The following PDE11A variants were observed in gnomAD, a reference collection of about 807,000 sequenced individuals.
PDE11A encodes dual 3',5'-cyclic-AMP and -GMP phosphodiesterase 11A.
Under a neutral mutation model 100.5 loss-of-function variants are expected in PDE11A, and 100 were observed. That is an observed-to-expected ratio of 1.00 (90% CI 0.85 to 1.18). The LOEUF (loss-of-function observed/expected upper bound fraction) is 1.18. Ranked by LOEUF, PDE11A falls within the 50% of genes most tolerant of loss-of-function variation. PDE11A has a pLI of 0.00. For synonymous variants in PDE11A, 381 were observed against 420.8 expected, an observed-to-expected ratio of 0.91 and a Z score of 1.16; for missense variants, 1,141 against 1,152.6, an observed-to-expected ratio of 0.99 and a Z score of 0.15.
intron 19 of PDE11A, among the ~76,000 whole-genome samples, chr2:177,636,216 T>C (rs1281193299): frequency 6.6e-6 from 1 of 152,110 alleles, no homozygotes; most frequent in Non-Finnish European, 1.5e-5. Flanking sequence ...AGTGTGAGGG[T>C]GGGTAGAGCT....
chr2:177,723,493 T>C (rs1380704661), intron 12 of PDE11A, among the ~76,000 whole-genome samples: 1 of 152,170 alleles, frequency 6.6e-6, no homozygotes, highest in Non-Finnish European at 1.5e-5. Flanking sequence ...TCTCTTTTCA[T>C]ATCCAGTGAA....
intron 2 of PDE11A, among the ~76,000 whole-genome samples, chr2:177,939,084 T>C (rs941584579): frequency 5.9e-5 from 9 of 152,222 alleles, no homozygotes; most frequent in African/African-American, 2.2e-4. Flanking sequence ...TTTTAGTCTC[T>C]GGTATTTTGT....
At position 178,072,708 on chromosome 2, in the gene PDE11A, TC is replaced by T. The variant is rs1190482091; in HGVS notation, c.-272del. On this transcript the variant is annotated 5_prime_UTR_variant, in exon 1 of 20. Transcript: ENST00000286063. ...CTGCCGCCGCTGCCCCGGCTCCTGT[TC>T]CGGAAACCCGAGCTATCGCTGCTCC... 2.9e-6 allele frequency: 4 copies of T among 1,387,144 alleles called. No individual in the cohort carries two copies. The highest frequency in any genetic ancestry group is 2.9e-5 in the African/African-American group (2 of 68,656). The allele number at this position is 1,387,144 out of a possible 1,614,324, so 85.9% of individuals were successfully genotyped here. A position where few individuals can be genotyped will look rare whatever the true frequency, so the allele number is the denominator to read the frequency against.
chr2:177,823,890 G>A (rs1474012120), intron 6 of PDE11A, among the ~76,000 whole-genome samples: 2 of 152,128 alleles, frequency 1.3e-5, no homozygotes, highest in African/African-American at 4.8e-5. Context: ...CCAACTCTGG[G>A]ACAACAGTAG....
chr2:177,665,856 CAAAAA>C (rs3056853), intron 18 of PDE11A, among the ~76,000 whole-genome samples: 15 of 137,274 alleles, frequency 1.1e-4, no homozygotes, highest in Non-Finnish European at 7.9e-5. Context: ...GACTCCATCT[CAAAAA>C]AAAAAAAAAA....
chr2:177,753,055 A>G (rs1295817677), intron 10 of PDE11A, among the ~76,000 whole-genome samples: 1 of 152,224 alleles, frequency 6.6e-6, no homozygotes, highest in African/African-American at 2.4e-5. Context: ...AAGAACGTAT[A>G]TTCAGTGAGC....
intron 1 of PDE11A, among the ~76,000 whole-genome samples, chr2:178,065,826 G>A (rs1196134388): frequency 6.6e-6 from 1 of 152,040 alleles, no homozygotes; most frequent in Non-Finnish European, 1.5e-5. Context: ...TCTCATCGCT[G>A]AATTTTCTAG....
chr2:177,912,647 C>T (rs2084899258), intron 2 of PDE11A, among the ~76,000 whole-genome samples: 2 of 152,206 alleles, frequency 1.3e-5, no homozygotes, highest in South Asian at 4.1e-4. Flanking sequence ...ATTGCAGGAC[C>T]CATGTCCTTT....
intron 1 of PDE11A, among the ~76,000 whole-genome samples, chr2:178,071,233 G>C (rs753382634): frequency 2.6e-5 from 4 of 152,146 alleles, no homozygotes; most frequent in Non-Finnish European, 5.9e-5. Context: ...GGGAGCTGTG[G>C]ATGCCAGACC....
chr2:177,675,537 C>T lies in PDE11A; in HGVS notation c.2424-19G>A, dbSNP rs377680021. The T allele has an allele frequency of 3.1e-6, 5 of 1,602,440 alleles. No individual in the cohort carries two copies. The African/African-American group carries it at 6.7e-5, about 21-fold the overall frequency. On this transcript the variant is annotated intron_variant, in intron 16 of 19. Transcript: ENST00000286063. ...CATTGATCTGAAAAACAGAACCAAA[C>T]AAAACAGCCTGAATAATCTTTTGTT...
intron 15 of PDE11A, among the ~76,000 whole-genome samples, chr2:177,692,641 G>A (rs537485158): frequency 6.6e-6 from 1 of 152,270 alleles, no homozygotes; most frequent in South Asian, 2.1e-4. Flanking sequence ...AGCAGTAACT[G>A]GAAAACGTTT....
At chr2:177,990,556 G>A (rs556735892) in intron 2 of PDE11A, among the ~76,000 whole-genome samples, 18 of 152,052 alleles carry the variant, frequency 1.2e-4, no homozygotes, top group African/African-American at 3.1e-4. Flanking sequence ...TGAACAACAT[G>A]GTGAAACCCC....
chr2:177,876,442 G>A (rs1419754821), intron 4 of PDE11A, among the ~76,000 whole-genome samples: 1 of 148,270 alleles, frequency 6.7e-6, no homozygotes, highest in East Asian at 1.9e-4. Context: ...TCATTCTTGT[G>A]TGGACACTTC....
chr2:177,884,257 GC>G (rs1321339466), intron 4 of PDE11A, among the ~76,000 whole-genome samples: 7 of 152,170 alleles, frequency 4.6e-5, no homozygotes, highest in Non-Finnish European at 8.8e-5. Context: ...AGACCACTCT[GC>G]CCTAGCACAT....
chr2:177,889,336 T>C (rs1050971774), intron 4 of PDE11A, among the ~76,000 whole-genome samples: 5 of 152,206 alleles, frequency 3.3e-5, no homozygotes, highest in South Asian at 2.1e-4. Flanking sequence ...ATATGCTTTT[T>C]TCAACATCTT....
chr2:178,057,867 A>G (rs1033180569), intron 1 of PDE11A, among the ~76,000 whole-genome samples: 3 of 151,962 alleles, frequency 2.0e-5, no homozygotes, highest in Non-Finnish European at 4.4e-5. Context: ...TATTTTATTT[A>G]TTTATTTTGA....
exon 1 of PDE11A, chr2:178,108,327 T>C: frequency 6.6e-6 from 1 of 152,238 alleles, no homozygotes; most frequent in South Asian, 2.1e-4. Flanking sequence ...CCTCACGCCC[T>C]GGGCTGCAAG....
At chr2:177,639,131 T>C (rs2080100373) in intron 19 of PDE11A, among the ~76,000 whole-genome samples, 1 of 152,246 alleles carries the variant, frequency 6.6e-6, no homozygotes. Context: ...CTAGAAATTC[T>C]ATCCAGGCCA....
chr2:178,038,431 AG>A (rs1234591114), intron 1 of PDE11A, among the ~76,000 whole-genome samples: 4 of 152,134 alleles, frequency 2.6e-5, no homozygotes, highest in East Asian at 1.9e-4. Flanking sequence ...TTAAAAAAAA[AG>A]AATGAAAATC....
Sources: gnomAD v4.1 joint callset for allele counts (sites outside exome capture counted in the v4.1 genomes callset) on GRCh38, gnomAD v4.1.1 for gene constraint, MANE v1.5 for transcripts, NCBI Gene and HGNC (gene_info 2026-07-23, HGNC 2026-07-21) for gene names.